Variants in RAPGEF2 observed in about 807,000 individuals in gnomAD.
RAPGEF2 encodes PDZ domain containing guanine nucleotide exchange factor (GEF) 1.
RAPGEF2 carries 54 observed loss-of-function variants against 186.7 expected under a neutral mutation model. The observed-to-expected ratio is 0.29, with a 90% CI of 0.23 to 0.36. The LOEUF is 0.36. RAPGEF2 is among the 10% of genes least tolerant of loss of function. The pLI, the probability that RAPGEF2 is intolerant of heterozygous loss-of-function variation, is 1.00. For synonymous variants in RAPGEF2, 712 were observed against 705.9 expected, an observed-to-expected ratio of 1.01 and a Z score of -0.14; for missense variants, 1,532 against 2,045.0, an observed-to-expected ratio of 0.75 and a Z score of 4.84.
chr4:159,127,364 C>G (rs1385206887), intron 1 of RAPGEF2, among the ~76,000 whole-genome samples: 10 of 152,138 alleles, frequency 6.6e-5, no homozygotes, highest in Admixed American at 6.6e-4. Flanking sequence ...TACCTTCTCA[C>G]TGCCACCATT....
At chr4:159,186,310 A>C (rs1231778491) in intron 1 of RAPGEF2, among the ~76,000 whole-genome samples, 1 of 152,050 alleles carries the variant, frequency 6.6e-6, no homozygotes, top group Non-Finnish European at 1.5e-5. Flanking sequence ...GGTATTGACA[A>C]ATATACTGTG....
intron 26 of RAPGEF2, chr4:159,351,050 T>G: frequency 6.5e-7 from 1 of 1,529,488 alleles, no homozygotes; most frequent in Non-Finnish European, 8.8e-7. Flanking sequence ...TTTCTCATCC[T>G]GTTGTTAGGT....
intron 1 of RAPGEF2, among the ~76,000 whole-genome samples, chr4:159,108,370 T>C (rs1221959501): frequency 6.6e-6 from 1 of 151,102 alleles, no homozygotes; most frequent in African/African-American, 2.4e-5. Context: ...ATGCTGGAAT[T>C]TCACAGAACT....
intron 7 of RAPGEF2, among the ~76,000 whole-genome samples, chr4:159,280,269 A>G (rs1759513277): frequency 6.6e-6 from 1 of 152,206 alleles, no homozygotes; most frequent in African/African-American, 2.4e-5. Context: ...TTAGCCATTT[A>G]AAATACATAT....
chr4:159,317,072 A>G (rs1173866136), intron 9 of RAPGEF2, among the ~76,000 whole-genome samples: 1 of 152,174 alleles, frequency 6.6e-6, no homozygotes, highest in Non-Finnish European at 1.5e-5. Flanking sequence ...GGAATTGATA[A>G]AGGATGGTGT....
intron 7 of RAPGEF2, among the ~76,000 whole-genome samples, chr4:159,260,932 T>A (rs1487933477): frequency 6.6e-6 from 1 of 152,156 alleles, no homozygotes; most frequent in African/African-American, 2.4e-5. Context: ...GTATTTTTAG[T>A]AGAGACAGGG....
At chr4:159,233,677 T>G (rs183506761) in intron 4 of RAPGEF2, among the ~76,000 whole-genome samples, 26 of 152,230 alleles carry the variant, frequency 1.7e-4, no homozygotes, top group Admixed American at 1.6e-3. Context: ...CAGCGTATAC[T>G]GCTTGGATGA....
chr4:159,155,450 G>C (rs1186456490), intron 1 of RAPGEF2, among the ~76,000 whole-genome samples: 1 of 152,182 alleles, frequency 6.6e-6, no homozygotes, highest in Non-Finnish European at 1.5e-5. Context: ...ATTCTGTCTT[G>C]AGAAGAAATA....
intron 7 of RAPGEF2, among the ~76,000 whole-genome samples, chr4:159,279,717 C>T (rs1287142533): frequency 2.0e-5 from 3 of 151,894 alleles, no homozygotes; most frequent in Non-Finnish European, 4.4e-5. Flanking sequence ...GTCTTACTCT[C>T]ACCCAGGCTG....
At position 159,166,407 on chromosome 4, in the gene RAPGEF2, G is replaced by A. The variant is rs186630051; in HGVS notation, c.70-20235G>A. Among the ~76,000 whole-genome samples, 287 of 152,346 alleles carry A rather than the reference G, an allele frequency of 1.9e-3. 8 individuals carry two copies. The highest frequency in any genetic ancestry group is 0.019 in the Admixed American group (285 of 15,300). On this transcript the variant is annotated intron_variant, in intron 1 of 29. Transcript: ENST00000691494. Reference sequence around the variant, plus strand: ...ATGAGACTGGGTGTGGCAGAGGCCTGTGGGGTGAGGGGTGAGTGCGTCTAG... The same window carrying A: ...ATGAGACTGGGTGTGGCAGAGGCCTATGGGGTGAGGGGTGAGTGCGTCTAG...
At chr4:159,166,178 G>A (rs1458315717) in intron 1 of RAPGEF2, among the ~76,000 whole-genome samples, 1 of 152,140 alleles carries the variant, frequency 6.6e-6, no homozygotes, top group African/African-American at 2.4e-5. Flanking sequence ...GCTGGGCGTG[G>A]TGGCGGGCAC....
intron 1 of RAPGEF2, among the ~76,000 whole-genome samples, chr4:159,153,355 G>T (rs1470520926): frequency 6.6e-6 from 1 of 152,106 alleles, no homozygotes; most frequent in Admixed American, 6.5e-5. Context: ...TGTGGCCTGG[G>T]CACCAGACTT....
Position 159,341,721 on chromosome 4 carries a change from G to C in RAPGEF2, c.2692G>C (p.Glu898Gln), listed in dbSNP as rs758195146. 1 of 1,614,012 alleles carries C rather than the reference G, an allele frequency of 6.2e-7. No homozygotes were observed. The highest frequency in any genetic ancestry group is 1.7e-5 in the Admixed American group (1 of 60,006). The change falls in exon 20 of 30, where the codon GAA (glutamate) becomes CAA (glutamine). Residue 898 changes from glutamate (E) to glutamine (Q), a missense_variant. Coordinates refer to ENST00000691494, the MANE Select transcript of RAPGEF2 (RefSeq NM_001394067.2). ...MRNFELFRNI[E>Q]PTEYIDDLFK... ...AAATTTTGAACTCTTTCGCAACATT[G>C]AACCTACTGAATATATAGATGATTT... is the stretch of plus-strand genomic sequence containing the variant.
intron 13 of RAPGEF2, among the ~76,000 whole-genome samples, chr4:159,331,063 T>C (rs1211678636): frequency 6.6e-6 from 1 of 152,224 alleles, no homozygotes; most frequent in Non-Finnish European, 1.5e-5. Context: ...TGATTCTCTT[T>C]GTCCAGTCTG....
At chr4:159,209,210 A>C (rs1049227780) in intron 3 of RAPGEF2, among the ~76,000 whole-genome samples, 2 of 134,126 alleles carry the variant, frequency 1.5e-5, no homozygotes, top group Admixed American at 1.5e-4. Context: ...AAAAAAAAAA[A>C]CCCTCACAAT....
At chr4:159,249,031 TTG>T (rs1201020909) in intron 7 of RAPGEF2, among the ~76,000 whole-genome samples, 2 of 152,208 alleles carry the variant, frequency 1.3e-5, no homozygotes, top group Non-Finnish European at 2.9e-5. Context: ...AATAAGGGTG[TTG>T]TGTAGCAAGT....
At chr4:159,346,710 A>C in intron 24 of RAPGEF2, 79 bp from the exon 25 acceptor site, 2 of 1,203,592 alleles carry the variant, frequency 1.7e-6, no homozygotes, top group Non-Finnish European at 2.4e-6. Context: ...AAATGCTCAC[A>C]CAGTTCTAGA....
chr4:159,139,931 T>G (rs1245362206), intron 1 of RAPGEF2, among the ~76,000 whole-genome samples: 1 of 152,170 alleles, frequency 6.6e-6, no homozygotes, highest in Non-Finnish European at 1.5e-5. Flanking sequence ...AATTGTGTGC[T>G]AAGAGATACA....
chr4:159,220,965 T>C (rs1339488857), intron 4 of RAPGEF2, among the ~76,000 whole-genome samples: 5 of 152,166 alleles, frequency 3.3e-5, no homozygotes, highest in African/African-American at 7.2e-5. Flanking sequence ...CAGGTTGATA[T>C]AGAGGAGAAA....
Sources: gnomAD v4.1 joint callset for allele counts (sites outside exome capture counted in the v4.1 genomes callset) on GRCh38, gnomAD v4.1.1 for gene constraint, MANE v1.5 for transcripts, NCBI Gene and HGNC (gene_info 2026-07-23, HGNC 2026-07-21) for gene names.